Variants in HTD2 observed in about 807,000 individuals in gnomAD.
HTD2 encodes the protein hydroxyacyl-thioester dehydratase type 2, mitochondrial.
A neutral mutation model predicts 3.1 loss-of-function variants in HTD2; 1 was observed. The ratio of observed to expected loss-of-function variants is 0.32; its 90% CI spans 0.11 to 1.52. HTD2 has a LOEUF of 1.52. Among genes scored for constraint, HTD2 ranks in the 40% most tolerant of loss-of-function variants. The probability of loss-of-function intolerance (pLI) is 0.39; values close to 1 mark genes in which losing one functional copy is unlikely to be tolerated. For synonymous variants in HTD2, 50 were observed against 28.9 expected (o/e 1.73, Z -2.34); for missense variants, 150 against 79.6 (o/e 1.88, Z -3.36).
rs34820106 is a variant in HTD2, at chr3:58,318,495, C to CA, written c.*396dup. The CA allele has an allele frequency of 0.39, 33,007 of 83,784 alleles. 6,923 individuals carry two copies. Among genetic ancestry groups the CA allele is most frequent in the African/African-American group, 0.52 (11,343 of 21,716 alleles). 5.2% of individuals were successfully genotyped at this position (83,784 alleles called of 1,614,324 possible). On this transcript the variant is annotated 3_prime_UTR_variant, in exon 5 of 5. Transcript: ENST00000461393. ...CAACATGGTGAAACCCCATCTCTAC[C>CA]AAAAAAAAAAAAAAAAAAAAAGTGC...
At position 58,311,624 on chromosome 3, in the gene HTD2, C is replaced by CT. The variant is rs1336763272; in HGVS notation, c.-331+1045dup. Reference sequence around the variant, plus strand: ...TAATATTCCATTGTAATATATACCACTTTTTTTTTTTTATCCATTGATGGG... The same window carrying CT: ...TAATATTCCATTGTAATATATACCACTTTTTTTTTTTTTATCCATTGATGGG... On this transcript the variant is annotated intron_variant, in intron 2 of 4. Transcript: ENST00000461393. 1.2e-3 allele frequency among the ~76,000 whole-genome samples: 179 copies of CT among 144,146 alleles called. 1 individual carries two copies. The highest frequency in any genetic ancestry group is 0.012 in the East Asian group (59 of 4,990). The allele number at this position is 144,146 out of a possible 152,430, so 94.6% of individuals were successfully genotyped here.
chr3:58,310,637 G>A (rs771611634), intron 2 of HTD2, 46 bp downstream of exon 2: 64 of 1,534,114 alleles, frequency 4.2e-5, no homozygotes, highest in Non-Finnish European at 5.2e-5. Context: ...ATCTTTGTAA[G>A]AAATACAGAA....
intron 1 of HTD2, among the ~76,000 whole-genome samples, chr3:58,307,069 G>A (rs2097476044): frequency 6.6e-6 from 1 of 152,202 alleles, no homozygotes; most frequent in African/African-American, 2.4e-5. Context: ...TTCCCAGCAT[G>A]GGGAAAAGCT....
chr3:58,308,460 T>A (rs558084044), intron 1 of HTD2, among the ~76,000 whole-genome samples: 253 of 129,324 alleles, frequency 2.0e-3, no homozygotes, highest in African/African-American at 6.4e-3. Context: ...ATTTAAGTTT[T>A]TTTGTTTTTT....
chr3:58,319,639 A>AT lies in HTD2; in HGVS notation c.*1519_*1520insT, dbSNP rs11454104. ...AGTAATACATGCTTATAGTAAAAAA[A>AT]AAAAAATTGTAAGAAATAAATATTA... On this transcript the variant is annotated 3_prime_UTR_variant, in exon 5 of 5. Coordinates refer to ENST00000461393, the MANE Select transcript of HTD2 (RefSeq NM_001348712.2). 6.6e-6 allele frequency: 1 copy of AT among 152,000 alleles called. No individual in the cohort carries two copies. Among genetic ancestry groups the AT allele is most frequent in the East Asian group, 1.9e-4 (1 of 5,180 alleles). 9.4% of individuals were successfully genotyped at this position (152,000 alleles called of 1,614,324 possible).
Position 58,318,703 on chromosome 3 carries a change from A to G in HTD2, c.*583A>G, listed in dbSNP as rs1301063280. ...AAAGAAGTATTGGGAAGGTTATTTAAAGACTCTACTTTTAAATCAGGCGTG... is the reference window on the plus strand; with the variant it reads ...AAAGAAGTATTGGGAAGGTTATTTAGAGACTCTACTTTTAAATCAGGCGTG... On this transcript the variant is annotated 3_prime_UTR_variant, in exon 5 of 5. Transcript: ENST00000461393. 6.7e-6 allele frequency: 1 copy of G among 148,698 alleles called. No homozygotes were observed. Among genetic ancestry groups the G allele is most frequent in the Non-Finnish European group, 1.5e-5 (1 of 67,370 alleles). The allele number at this position is 148,698 out of a possible 1,614,324, so 9.2% of individuals were successfully genotyped here.
rs140235809 is a variant in HTD2, at chr3:58,308,178, A to G, written c.-416+1527A>G. On this transcript the variant is annotated intron_variant, in intron 1 of 4. Coordinates refer to ENST00000461393, the MANE Select transcript of HTD2 (RefSeq NM_001348712.2). ...ACTGGGAAAGAAGCATCAGGTAACT[A>G]TTTCCGCTGTCCTGAAACCAAGGAT... Among the ~76,000 whole-genome samples the G allele has an allele frequency of 2.9e-4, 44 of 152,266 alleles. 1 individual carries two copies. The East Asian group carries it at 7.1e-3, about 25-fold the overall frequency.
At position 58,307,410 on chromosome 3, in the gene HTD2, C is replaced by T. The variant is rs1575541336; in HGVS notation, c.-416+759C>T. 3.9e-5 allele frequency among the ~76,000 whole-genome samples: 6 copies of T among 152,260 alleles called. No homozygotes were observed. In the East Asian group the frequency reaches 1.2e-3, roughly 29 times the overall value. On this transcript the variant is annotated intron_variant, in intron 1 of 4. Coordinates refer to ENST00000461393, the MANE Select transcript of HTD2 (RefSeq NM_001348712.2). The stretch of plus-strand genomic sequence containing the variant: ...TACTAATAGGTCAGATTAGGAGCAT[C>T]CCTGCGCAGCCACTAAAAAAGGCTG...
At position 58,316,562 on chromosome 3, in the gene HTD2, C is replaced by G. The variant is rs745726768; in HGVS notation, c.-283C>G. ...ACATCCTAACCTATGAAGAGAAGAC[C>G]TTGTCAGCCATCTTGAGAATATGTA... is the stretch of plus-strand genomic sequence containing the variant. On this transcript the variant is annotated 5_prime_UTR_variant, in exon 3 of 5. Coordinates refer to ENST00000461393, the MANE Select transcript of HTD2 (RefSeq NM_001348712.2). 1.9e-6 allele frequency: 3 copies of G among 1,614,058 alleles called. No individual in the cohort carries two copies. Among genetic ancestry groups the G allele is most frequent in the South Asian group, 2.2e-5 (2 of 91,078 alleles).
chr3:58,308,401 A>C, intron 1 of HTD2, among the ~76,000 whole-genome samples: 1 of 151,880 alleles, frequency 6.6e-6, no homozygotes, highest in East Asian at 1.9e-4. Context: ...CTCCCACCTC[A>C]GCCCCTGGAG....
At chr3:58,315,972 G>A (rs567671703) in intron 2 of HTD2, among the ~76,000 whole-genome samples, 7 of 152,198 alleles carry the variant, frequency 4.6e-5, no homozygotes, top group African/African-American at 7.2e-5. Context: ...CACTGTGCCC[G>A]GCCAATCCCT....
chr3:58,311,146 T>C (rs932739279), intron 2 of HTD2, among the ~76,000 whole-genome samples: 1 of 131,606 alleles, frequency 7.6e-6, no homozygotes, highest in Admixed American at 7.3e-5. Context: ...TTTGTTGTTG[T>C]TGTTGTTGTT....
chr3:58,313,635 T>C (rs1296246054), intron 2 of HTD2, among the ~76,000 whole-genome samples: 2 of 151,928 alleles, frequency 1.3e-5, no homozygotes, highest in African/African-American at 4.8e-5. Context: ...CCAGCCTGGG[T>C]ATCTGGTGAA....
rs1245681163 is a variant in HTD2 at position 58,317,907 on chromosome 3, T to C, written c.294T>C (p.Thr98=). The part of the protein sequence containing the change: ...INGLISALLG[T]KMPGPGCVFL... The stretch of plus-strand genomic sequence containing the variant: ...GACTTATCTCAGCTCTCCTAGGAAC[T>C]AAAATGCCAGGGCCAGGCTGTGTAT... Residue 98 remains threonine, a synonymous_variant, in exon 5 of 5, where the codon ACT becomes ACC. Coordinates refer to ENST00000461393, the MANE Select transcript of HTD2 (RefSeq NM_001348712.2). The C allele has an allele frequency of 5.7e-6, 4 of 702,884 alleles. No individual in the cohort carries two copies. The East Asian group carries it at 1.1e-4, about 19-fold the overall frequency. The allele number at this position is 702,884 out of a possible 1,614,324, so 43.5% of individuals were successfully genotyped here. A position where few individuals can be genotyped will look rare whatever the true frequency, so the allele number is the denominator to read the frequency against.
chr3:58,310,222 A>T, intron 1 of HTD2: 1 of 1,067,408 alleles, frequency 9.4e-7, no homozygotes, highest in Non-Finnish European at 1.4e-6. Flanking sequence ...AAACAAACAA[A>T]AAAAACCCAA....
chr3:58,315,346 T>G (rs377062534), intron 2 of HTD2, among the ~76,000 whole-genome samples: 1 of 144,800 alleles, frequency 6.9e-6, no homozygotes, highest in Non-Finnish European at 1.5e-5. Context: ...ATATATAATC[T>G]GGAGAAAGGT....
Position 58,320,102 on chromosome 3 carries a change from T to C in HTD2, c.*1982T>C, listed in dbSNP as rs183382661. ...TCCTTTGGAACTGGCTTCTTTGATATAGCATGTTTTCAGGGTTCATCCATG... is the reference window on the plus strand; with the variant it reads ...TCCTTTGGAACTGGCTTCTTTGATACAGCATGTTTTCAGGGTTCATCCATG... On this transcript the variant is annotated 3_prime_UTR_variant, in exon 5 of 5. Transcript: ENST00000461393. 3.9e-5 allele frequency: 6 copies of C among 152,280 alleles called. No individual in the cohort carries two copies. Among genetic ancestry groups the C allele is most frequent in the South Asian group, 2.1e-4 (1 of 4,830 alleles). The allele number at this position is 152,280 out of a possible 1,614,324, so 9.4% of individuals were successfully genotyped here. A position where few individuals can be genotyped will look rare whatever the true frequency, so the allele number is the denominator to read the frequency against.
rs1575548935 is a variant in HTD2, at chr3:58,317,703, C to T, written c.90C>T (p.His30=). 1 of 704,306 alleles carries T rather than the reference C, an allele frequency of 1.4e-6. No individual in the cohort carries two copies. The highest frequency in any genetic ancestry group is 2.6e-6 in the Non-Finnish European group (1 of 385,234). The allele number at this position is 704,306 out of a possible 1,614,324, so 43.6% of individuals were successfully genotyped here. ...CLNLPVLTLQ[H]FQHMHIKVGD... is the part of the protein sequence containing the mutation. ...ACCTGCCAGTGCTGACCCTGCAGCA[C>T]TTTCAGCATATGCACATCAAAGTTG... is the stretch of plus-strand genomic sequence containing the variant. Residue 30 remains histidine (H), a synonymous_variant, in exon 5 of 5, where the codon CAC becomes CAT. Coordinates refer to ENST00000461393, the MANE Select transcript of HTD2 (RefSeq NM_001348712.2).
chr3:58,309,069 A>G (rs1414634684), intron 1 of HTD2, among the ~76,000 whole-genome samples: 1 of 152,210 alleles, frequency 6.6e-6, no homozygotes, highest in Non-Finnish European at 1.5e-5. Flanking sequence ...AGTTGTTCAC[A>G]GATAGTCTTG....
Sources: gnomAD v4.1 joint callset for allele counts (sites outside exome capture counted in the v4.1 genomes callset) on GRCh38, gnomAD v4.1.1 for gene constraint, MANE v1.5 for transcripts, NCBI Gene and HGNC (gene_info 2026-07-23, HGNC 2026-07-21) for gene names.